Variants in PRDM8 observed in about 807,000 individuals in gnomAD.
The protein encoded by PRDM8 is PR domain zinc finger protein 8.
Under a neutral mutation model 46.5 loss-of-function variants are expected in PRDM8, and 13 were observed. The observed-to-expected ratio is 0.28, with a 90% CI of 0.18 to 0.44. PRDM8 has a LOEUF of 0.44. PRDM8 is among the 20% of genes least tolerant of loss of function. The probability of loss-of-function intolerance (pLI) is 1.00; values close to 1 mark genes in which losing one functional copy is unlikely to be tolerated. For synonymous variants in PRDM8, 473 were observed against 438.4 expected, an observed-to-expected ratio of 1.08 and a Z score of -0.98; for missense variants, 998 against 955.0, an observed-to-expected ratio of 1.04 and a Z score of -0.59.
chr4:80,202,908 C>G lies in PRDM8; in HGVS notation c.1446C>G (p.Ala482=), dbSNP rs1578265921. The change falls in exon 4 of 4, where the codon GCC becomes GCG. Residue 482 remains alanine (A), a synonymous_variant. Coordinates refer to ENST00000415738, the MANE Select transcript of PRDM8 (RefSeq NM_001099403.2). ...TSGGGGTGAG[A]AGGAGGGQGA... is the part of the protein sequence containing the mutation. The stretch of plus-strand genomic sequence containing the variant: ...GTGGGGGCGGAACGGGCGCCGGGGC[C>G]GCAGGCGGCGCGGGCGGGGGCCAGG... 2.2e-6 allele frequency: 3 copies of G among 1,339,748 alleles called. No individual in the cohort carries two copies. The highest frequency in any genetic ancestry group is 2.8e-6 in the Non-Finnish European group (3 of 1,056,614). The allele number at this position is 1,339,748 out of a possible 1,614,324, so 83.0% of individuals were successfully genotyped here. A position where few individuals can be genotyped will look rare whatever the true frequency, so the allele number is the denominator to read the frequency against.
rs765774621 is a variant in PRDM8, at chr4:80,201,371, C to A, written c.301C>A (p.Gln101Lys). 5 of 1,614,216 alleles carry A rather than the reference C, an allele frequency of 3.1e-6. No homozygotes were observed. Among genetic ancestry groups the A allele is most frequent in the Non-Finnish European group, 3.4e-6 (4 of 1,180,048 alleles). Residue 101 changes from glutamine to lysine, a missense_variant, in exon 3 of 4, where the codon CAG (glutamine) becomes AAG (lysine). Physicochemically the swap from Gln to Lys is moderately conservative, Grantham distance 53. Coordinates refer to ENST00000415738, the MANE Select transcript of PRDM8 (RefSeq NM_001099403.2). ...LVQSARDKEE[Q>K]NLEAYIKNGQ... ...CCAATCGGCCAGAGATAAGGAAGAG[C>A]AGAACCTTGAAGCCTACATAAAAAA...
At chr4:80,195,522 T>TTGTG (rs1307086958), upstream of PRDM8, among the ~76,000 whole-genome samples, 2 of 142,746 alleles carry the variant, frequency 1.4e-5, no homozygotes, top group Non-Finnish European at 3.0e-5. Flanking sequence ...GTGTGTGTGT[T>TTGTG]TGTGTGTGTG....
intron 1 of PRDM8, among the ~76,000 whole-genome samples, chr4:80,187,424 A>G (rs1316625604): frequency 6.6e-6 from 1 of 152,050 alleles, no homozygotes; most frequent in Non-Finnish European, 1.5e-5. Context: ...ATTGAAGGAG[A>G]GGGGGAAATG....
chr4:80,194,801 G>A (rs145894026), upstream of PRDM8, among the ~76,000 whole-genome samples: 716 of 152,262 alleles, frequency 4.7e-3, 5 homozygotes, highest in African/African-American at 0.016. Context: ...GCATCTGTTG[G>A]CCAGATTCTC....
At chr4:80,189,377 G>T (rs549540483) in intron 1 of PRDM8, among the ~76,000 whole-genome samples, 2 of 152,086 alleles carry the variant, frequency 1.3e-5, no homozygotes, top group South Asian at 4.2e-4. Context: ...TCAATCTACC[G>T]GGCAGGCCTT....
upstream of PRDM8, among the ~76,000 whole-genome samples, chr4:80,192,688 T>C (rs1005654170): frequency 6.6e-6 from 1 of 152,204 alleles, no homozygotes; most frequent in African/African-American, 2.4e-5. Flanking sequence ...GCCAGATCTT[T>C]ACACACTCAT....
chr4:80,186,198 G>A (rs1297619649), intron 1 of PRDM8, among the ~76,000 whole-genome samples: 1 of 152,144 alleles, frequency 6.6e-6, no homozygotes, highest in Non-Finnish European at 1.5e-5. Flanking sequence ...AGGAAGGATG[G>A]GGTAGGATAA....
At chr4:80,196,200 C>T (rs764501976), upstream of PRDM8, 152 of 904,814 alleles carry the variant, frequency 1.7e-4, no homozygotes, top group Non-Finnish European at 2.0e-4. Context: ...TGTCTCCTTA[C>T]GTTGTGGTTC....
Position 80,202,435 on chromosome 4 carries a change from G to T in PRDM8, c.973G>T (p.Gly325Cys), listed in dbSNP as rs773668859. ...CCCGGAGGAGGCGGCGGAGGGCGGC[G>T]GTGGCGCTGGTCTGGTAGGGGGCCG... ...KFPEEAAEGG[G>C]GAGLVGGRGR... is the part of the protein sequence containing the mutation. The change falls in exon 4 of 4, where the codon GGT (glycine) becomes TGT (cysteine). Residue 325 changes from glycine (G) to cysteine (C), a missense_variant. Transcript: ENST00000415738. 1.3e-6 allele frequency: 2 copies of T among 1,547,774 alleles called. No individual in the cohort carries two copies.
rs750918327 is a variant in PRDM8 at position 80,202,329 on chromosome 4, C to G, written c.867C>G (p.Ser289Arg). 1.9e-6 allele frequency: 3 copies of G among 1,587,810 alleles called. No individual in the cohort carries two copies. The highest frequency in any genetic ancestry group is 2.6e-6 in the Non-Finnish European group (3 of 1,164,014). Residue 289 changes from serine (S) to arginine (R), a missense_variant, in exon 4 of 4, where the codon AGC becomes AGG. By Grantham distance (110) the Ser-to-Arg change is moderately radical (BLOSUM62 -1). Transcript: ENST00000415738. ...AGAGCCTCAGCAGCGGTAGCGGCAG[C>G]GGCGGCGGCGGCGGCCACCAGGAGG... ...PAQSLSSGSG[S>R]GGGGGHQEAE...
At chr4:80,200,883 G>T (rs759550314) in intron 2 of PRDM8, among the ~76,000 whole-genome samples, 21 of 152,312 alleles carry the variant, frequency 1.4e-4, no homozygotes, top group Non-Finnish European at 2.5e-4. Context: ...TTAGGAACAT[G>T]ATTGCCATAG....
At chr4:80,195,690 G>A (rs115331160), upstream of PRDM8, among the ~76,000 whole-genome samples, 915 of 152,186 alleles carry the variant, frequency 6.0e-3, 10 homozygotes, top group African/African-American at 0.021. Flanking sequence ...AACCTTAGCC[G>A]AAGTAGATAA....
chr4:80,200,364 T>C (rs1243955171), intron 2 of PRDM8, 65 bp downstream of exon 2: 2 of 1,411,596 alleles, frequency 1.4e-6, no homozygotes, highest in Non-Finnish European at 2.0e-6. Context: ...GGACTAAAAA[T>C]AATTATAATG....
chr4:80,194,488 C>T (rs188498692), upstream of PRDM8, among the ~76,000 whole-genome samples: 14 of 152,108 alleles, frequency 9.2e-5, no homozygotes, highest in Non-Finnish European at 4.4e-5. Flanking sequence ...CCATTTTAGC[C>T]CATAAATTTC....
chr4:80,203,154 C>T lies in PRDM8; in HGVS notation c.1692C>T (p.Ser564=). Residue 564 remains serine, a synonymous_variant, in exon 4 of 4, where the codon AGC becomes AGT. Transcript: ENST00000415738. ...ACGGAGGTTGCGGGTCCCTGCCGAG[C>T]GGCGGCGGCGGCCTGCCTAAGCAGA... The part of the protein sequence containing the change: ...DLNGGCGSLP[S]GGGGLPKQSP... The T allele has an allele frequency of 1.3e-6, 2 of 1,537,340 alleles. No homozygotes were observed. Among genetic ancestry groups the T allele is most frequent in the Non-Finnish European group, 1.7e-6 (2 of 1,149,320 alleles).
rs1220190888 is a variant in PRDM8, at chr4:80,201,999, C to A, written c.537C>A (p.Pro179=). Reference sequence around the variant, plus strand: ...TGGCGCATCTGCGTTTCCGCTGCCCCAAGAGACTTCACAGCGCTGATATAA... The same window carrying A: ...TGGCGCATCTGCGTTTCCGCTGCCCAAAGAGACTTCACAGCGCTGATATAA... The part of the protein sequence containing the change: ...PYVAHLRFRC[P]KRLHSADISP... The change falls in exon 4 of 4, where the codon CCC becomes CCA. Residue 179 remains proline (P), a synonymous_variant. Transcript: ENST00000415738. The A allele has an allele frequency of 6.2e-7, 1 of 1,614,124 alleles. No homozygotes were observed. The highest frequency in any genetic ancestry group is 1.7e-5 in the Admixed American group (1 of 60,022).
In PRDM8 at chr4:80,202,478, G is replaced by T; in HGVS notation, c.1016G>T (p.Arg339Leu). 1 of 1,542,364 alleles carries T rather than the reference G, an allele frequency of 6.5e-7. No individual in the cohort carries two copies. The highest frequency in any genetic ancestry group is 1.2e-5 in the South Asian group (1 of 83,996). ...GGGGGCCGGGGCCGCTTCGTAGAGC[G>T]GCCCCTCCCGGCCTCCAAGGAGGAT... ...LVGGRGRFVE[R>L]PLPASKEDLV... The change falls in exon 4 of 4, where the codon CGG (arginine) becomes CTG (leucine). Residue 339 changes from arginine to leucine, a missense_variant. By Grantham distance (102) the Arg-to-Leu change is moderately radical (BLOSUM62 -2). Transcript: ENST00000415738.
chr4:80,200,284 A>G lies in PRDM8; in HGVS notation c.204A>G (p.Val68=), dbSNP rs750781196. The change falls in exon 2 of 4, where the codon GTA becomes GTG. Residue 68 remains valine (V), a synonymous_variant. Transcript: ENST00000415738. Reference sequence around the variant, plus strand: ...TCAAGTCTACTGACAAGAGAACAGTACCGTATATCTTTCGGGTAAGTCTCC... The same window carrying G: ...TCAAGTCTACTGACAAGAGAACAGTGCCGTATATCTTTCGGGTAAGTCTCC... ...IALKSTDKRT[V]PYIFRVDTSA... The G allele has an allele frequency of 6.2e-7, 1 of 1,613,144 alleles. No homozygotes were observed. The highest frequency in any genetic ancestry group is 8.5e-7 in the Non-Finnish European group (1 of 1,179,146).
At chr4:80,186,033 C>A (rs939800967) in intron 1 of PRDM8, among the ~76,000 whole-genome samples, 2 of 152,034 alleles carry the variant, frequency 1.3e-5, no homozygotes, top group African/African-American at 4.8e-5. Flanking sequence ...AAAAGGCGCG[C>A]GGTACTGGCT....
Sources: gnomAD v4.1 joint callset for allele counts (sites outside exome capture counted in the v4.1 genomes callset) on GRCh38, gnomAD v4.1.1 for gene constraint, MANE v1.5 for transcripts, NCBI Gene and HGNC (gene_info 2026-07-23, HGNC 2026-07-21) for gene names.